The following PTPRM variants were observed in gnomAD, a reference collection of about 807,000 sequenced individuals.
PTPRM encodes the protein receptor-type tyrosine-protein phosphatase mu.
A neutral mutation model predicts 186.7 loss-of-function variants in PTPRM; 47 were observed. The observed-to-expected ratio is 0.25, with a 90% CI of 0.20 to 0.32. The LOEUF is 0.32. Ranked by LOEUF, PTPRM falls within the 10% of genes least tolerant of loss-of-function variation. The pLI is 1.00. For missense variants in PTPRM, 1,494 were observed against 1,865.0 expected (o/e 0.80, Z 3.66); for synonymous variants, 668 against 674.9 (o/e 0.99, Z 0.16).
At chr18:8,381,559 A>G (rs1290744328) in intron 29 of PTPRM, among the ~76,000 whole-genome samples, 7 of 152,192 alleles carry the variant, frequency 4.6e-5, no homozygotes, top group African/African-American at 1.4e-4. Flanking sequence ...AAAGCTGGTT[A>G]ATGAAATAGT....
intron 14 of PTPRM, among the ~76,000 whole-genome samples, chr18:8,174,065 CA>C (rs112437802): frequency 0.3 from 36,726 of 122,682 alleles, 5,047 homozygotes; most frequent in African/African-American, 0.45. Context: ...GACTCTGTCT[CA>C]AAAAAAAAAA....
intron 23 of PTPRM, among the ~76,000 whole-genome samples, chr18:8,350,957 G>A (rs2095531379): frequency 6.6e-6 from 1 of 152,248 alleles, no homozygotes; most frequent in East Asian, 1.9e-4. Flanking sequence ...AGTCGCAGGG[G>A]TCTACTGAGT....
intron 2 of PTPRM, among the ~76,000 whole-genome samples, chr18:7,822,215 G>A (rs2045238032): frequency 6.6e-6 from 1 of 152,210 alleles, no homozygotes; most frequent in Non-Finnish European, 1.5e-5. Flanking sequence ...GGAGGTGTGT[G>A]TATATCCAGA....
chr18:8,249,278 T>C (rs2094505847), intron 17 of PTPRM, among the ~76,000 whole-genome samples: 1 of 152,222 alleles, frequency 6.6e-6, no homozygotes, highest in South Asian at 2.1e-4. Flanking sequence ...AATGGTGTTC[T>C]GTGGGCTTAA....
rs546957774 is a variant in PTPRM at position 8,098,560 on chromosome 18, G to A, written c.1856+9709G>A. 1.1e-3 allele frequency among the ~76,000 whole-genome samples: 170 copies of A among 152,088 alleles called. 1 individual carries two copies. Among genetic ancestry groups the A allele is most frequent in the African/African-American group, 3.9e-3 (162 of 41,514 alleles). ...AGTTAAATATCATGAACCTTCCATAGAATGCAGAGCTATAAAAGAACACCC... is the reference window on the plus strand; with the variant it reads ...AGTTAAATATCATGAACCTTCCATAAAATGCAGAGCTATAAAAGAACACCC... On this transcript the variant is annotated intron_variant, in intron 11 of 32. Coordinates refer to ENST00000580170, the MANE Select transcript of PTPRM (RefSeq NM_001105244.2).
intron 1 of PTPRM, among the ~76,000 whole-genome samples, chr18:7,586,674 C>T (rs1399183358): frequency 6.6e-6 from 1 of 152,106 alleles, no homozygotes; most frequent in African/African-American, 2.4e-5. Context: ...CAACTCAAAG[C>T]ACTATAAACA....
Position 8,176,412 on chromosome 18 carries a change from C to T in PTPRM, c.2300+32633C>T, listed in dbSNP as rs538702335. On this transcript the variant is annotated intron_variant, in intron 14 of 32. Coordinates refer to ENST00000580170, the MANE Select transcript of PTPRM (RefSeq NM_001105244.2). ...GACTTCTTAAGTCCTTTCCACATCT[C>T]TCATTCCCTTAATTATTCATCAAAT... Among the ~76,000 whole-genome samples, 19 of 152,330 alleles carry T rather than the reference C, an allele frequency of 1.2e-4. No individual in the cohort carries two copies. In the East Asian group the frequency reaches 3.3e-3, roughly 26 times the overall value.
chr18:8,398,097 C>T (rs927509517), intron 32 of PTPRM, among the ~76,000 whole-genome samples: 1 of 152,224 alleles, frequency 6.6e-6, no homozygotes, highest in Non-Finnish European at 1.5e-5. Context: ...CTCAGCCTCT[C>T]AAGTAGCTGG....
At chr18:7,701,448 A>G (rs976391633) in intron 1 of PTPRM, among the ~76,000 whole-genome samples, 4 of 151,396 alleles carry the variant, frequency 2.6e-5, no homozygotes, top group African/African-American at 7.3e-5. Context: ...AAAATAAAAA[A>G]AAGTAGCTGG....
intron 2 of PTPRM, among the ~76,000 whole-genome samples, chr18:7,862,079 A>G (rs80164908): frequency 0.052 from 7,897 of 152,282 alleles, 269 homozygotes; most frequent in Middle Eastern, 0.19. Flanking sequence ...CACCTTTGGC[A>G]GCCTGGTGGA....
intron 18 of PTPRM, 75 bp from the exon 19 acceptor site, chr18:8,253,152 C>A: frequency 8.2e-7 from 1 of 1,217,514 alleles, no homozygotes; most frequent in Non-Finnish European, 1.1e-6. Flanking sequence ...CAGGAGCCAG[C>A]TTCTTAGCAT....
At chr18:8,342,289 T>A (rs1027406956) in intron 22 of PTPRM, among the ~76,000 whole-genome samples, 1 of 152,242 alleles carries the variant, frequency 6.6e-6, no homozygotes, top group African/African-American at 2.4e-5. Context: ...TATTGCTTTG[T>A]TGTTTATAAA....
intron 22 of PTPRM, among the ~76,000 whole-genome samples, chr18:8,332,414 CAT>C (rs1250092251): frequency 2.6e-5 from 4 of 152,136 alleles, no homozygotes; most frequent in Admixed American, 1.3e-4. Flanking sequence ...ATCAGGATTT[CAT>C]ATGTTTTAGA....
intron 2 of PTPRM, among the ~76,000 whole-genome samples, chr18:7,794,642 G>A (rs184495025): frequency 4.9e-4 from 75 of 152,212 alleles, no homozygotes; most frequent in Admixed American, 8.5e-4. Context: ...CGCCAAACCT[G>A]CTCAATCACA....
intron 7 of PTPRM, among the ~76,000 whole-genome samples, chr18:7,967,115 G>A (rs1282498287): frequency 6.1e-5 from 3 of 49,210 alleles, no homozygotes; most frequent in Admixed American, 2.2e-4. Flanking sequence ...ATCTGAGAAC[G>A]GGCAGACTGC....
chr18:7,694,260 C>T (rs1409762454), intron 1 of PTPRM, among the ~76,000 whole-genome samples: 1 of 152,114 alleles, frequency 6.6e-6, no homozygotes. Context: ...TTCCATGTGT[C>T]TCATGTTTCT....
intron 2 of PTPRM, among the ~76,000 whole-genome samples, chr18:7,881,264 G>A (rs776818140): frequency 5.9e-5 from 9 of 152,020 alleles, no homozygotes; most frequent in Non-Finnish European, 1.2e-4. Context: ...GTGAAACCCC[G>A]TCTCTACTAA....
intron 7 of PTPRM, among the ~76,000 whole-genome samples, chr18:8,029,258 C>G (rs1257491520): frequency 2.0e-5 from 3 of 150,470 alleles, no homozygotes; most frequent in African/African-American, 7.3e-5. Flanking sequence ...AGTGCCTCCC[C>G]CACACCTGTC....
intron 22 of PTPRM, among the ~76,000 whole-genome samples, chr18:8,324,004 T>C (rs1157612707): frequency 3.3e-5 from 5 of 152,180 alleles, no homozygotes; most frequent in Non-Finnish European, 7.3e-5. Context: ...TTTACTTTGG[T>C]CAGAAACATT....
Sources: gnomAD v4.1 joint callset for allele counts (sites outside exome capture counted in the v4.1 genomes callset) on GRCh38, gnomAD v4.1.1 for gene constraint, MANE v1.5 for transcripts, NCBI Gene and HGNC (gene_info 2026-07-23, HGNC 2026-07-21) for gene names.